The following FTO variants were observed in gnomAD, a reference collection of about 807,000 sequenced individuals.
The protein encoded by FTO is alpha-ketoglutarate-dependent dioxygenase FTO.
A neutral mutation model predicts 63.9 loss-of-function variants in FTO; 47 were observed. The ratio of observed to expected loss-of-function variants is 0.74; its 90% CI spans 0.58 to 0.94. The LOEUF (loss-of-function observed/expected upper bound fraction) is 0.94. FTO is among the 40% of genes least tolerant of loss of function. FTO has a pLI of 0.00. For synonymous variants in FTO, 207 were observed against 224.4 expected, an observed-to-expected ratio of 0.92 and a Z score of 0.69; for missense variants, 562 against 618.1, an observed-to-expected ratio of 0.91 and a Z score of 0.96.
intron 3 of FTO, among the ~76,000 whole-genome samples, chr16:53,835,196 C>A (rs2079255709): frequency 6.6e-6 from 1 of 152,200 alleles, no homozygotes; most frequent in African/African-American, 2.4e-5. Flanking sequence ...CTTCCAGAGT[C>A]TTCTTGTCTG....
At chr16:53,974,995 A>G (rs1268912818) in intron 8 of FTO, among the ~76,000 whole-genome samples, 1 of 152,026 alleles carries the variant, frequency 6.6e-6, no homozygotes, top group Non-Finnish European at 1.5e-5. Flanking sequence ...ACTCTCCTTG[A>G]GTTGTTTGTG....
At chr16:53,919,585 C>G (rs926809917) in intron 7 of FTO, among the ~76,000 whole-genome samples, 11 of 152,170 alleles carry the variant, frequency 7.2e-5, no homozygotes, top group South Asian at 4.1e-4. Flanking sequence ...AAATGCCCAT[C>G]AGCCAACAAG....
chr16:53,846,636 C>T (rs1438206566), intron 4 of FTO, among the ~76,000 whole-genome samples: 1 of 151,668 alleles, frequency 6.6e-6, no homozygotes. Flanking sequence ...CCCCCCGTCT[C>T]CACTAAAAAT....
chr16:53,805,040 A>G (rs568905555), intron 1 of FTO, among the ~76,000 whole-genome samples: 5 of 152,342 alleles, frequency 3.3e-5, no homozygotes, highest in Non-Finnish European at 7.3e-5. Context: ...CACAATGAAC[A>G]TTCATTAGCC....
intron 4 of FTO, among the ~76,000 whole-genome samples, chr16:53,857,440 G>GTC (rs147635985): frequency 0.2 from 28,900 of 141,882 alleles, 3,630 homozygotes; most frequent in East Asian, 0.63. Flanking sequence ...TGAGAACCTG[G>GTC]TCTCTCTCTC....
intron 8 of FTO, among the ~76,000 whole-genome samples, chr16:53,978,207 T>C (rs2143792291): frequency 6.6e-6 from 1 of 152,304 alleles, no homozygotes. Context: ...AACTTGTATA[T>C]AGCCTTCTTA....
chr16:53,973,050 C>A (rs1026565664), intron 8 of FTO, among the ~76,000 whole-genome samples: 2 of 152,254 alleles, frequency 1.3e-5, no homozygotes, highest in East Asian at 3.9e-4. Flanking sequence ...CAGCTCCATA[C>A]AAAAATGCAT....
At chr16:53,781,561 G>T (rs902519725) in intron 1 of FTO, among the ~76,000 whole-genome samples, 21 of 152,146 alleles carry the variant, frequency 1.4e-4, no homozygotes, top group Non-Finnish European at 2.2e-4. Flanking sequence ...GCCTGAGGAG[G>T]TTCCTATGCT....
chr16:54,012,999 T>G (rs2084363235), intron 8 of FTO, among the ~76,000 whole-genome samples: 1 of 152,222 alleles, frequency 6.6e-6, no homozygotes, highest in Non-Finnish European at 1.5e-5. Context: ...TGTTAAGCCC[T>G]ATTATTTAAG....
chr16:53,713,801 G>A (rs1043713748), intron 1 of FTO, among the ~76,000 whole-genome samples: 1 of 152,102 alleles, frequency 6.6e-6, no homozygotes, highest in Non-Finnish European at 1.5e-5. Context: ...GTAAACTGTA[G>A]GTACAATGTT....
intron 7 of FTO, among the ~76,000 whole-genome samples, chr16:53,927,530 G>A (rs974868684): frequency 3.9e-5 from 6 of 152,162 alleles, no homozygotes; most frequent in East Asian, 1.9e-4. Flanking sequence ...AGAGATGTCC[G>A]CAGTCTACAG....
intron 3 of FTO, among the ~76,000 whole-genome samples, chr16:53,831,052 T>C (rs2079129917): frequency 6.6e-6 from 1 of 152,312 alleles, no homozygotes; most frequent in Non-Finnish European, 1.5e-5. Flanking sequence ...ATGTCTTTGA[T>C]TTGGGAAAAA....
intron 8 of FTO, among the ~76,000 whole-genome samples, chr16:53,948,096 T>C (rs2143473772): frequency 6.6e-6 from 1 of 152,302 alleles, no homozygotes; most frequent in South Asian, 2.1e-4. Flanking sequence ...CCTTAGCTGG[T>C]GATTTCTCCT....
intron 1 of FTO, among the ~76,000 whole-genome samples, chr16:53,741,311 T>G (rs891997893): frequency 1.3e-5 from 2 of 152,246 alleles, no homozygotes; most frequent in African/African-American, 4.8e-5. Context: ...TTTGCGTGTG[T>G]GTGTTTACAT....
At chr16:53,979,172 T>A (rs572622140) in intron 8 of FTO, among the ~76,000 whole-genome samples, 1 of 152,334 alleles carries the variant, frequency 6.6e-6, no homozygotes, top group East Asian at 1.9e-4. Flanking sequence ...TTTTATCATA[T>A]CTCTTTAGGG....
In FTO at chr16:53,723,157, A is replaced by G. The variant is rs564199935; in HGVS notation, c.45+18928A>G. ...ATTATTTTTGTAGCTGTAAAGATAT[A>G]TATTTTATGTCTGCAGAAGGCTGTA... is the stretch of plus-strand genomic sequence containing the variant. On this transcript the variant is annotated intron_variant, in intron 1 of 8. Coordinates refer to ENST00000471389, the MANE Select transcript of FTO (RefSeq NM_001080432.3). Among the ~76,000 whole-genome samples, 5 of 152,320 alleles carry G rather than the reference A, an allele frequency of 3.3e-5. No individual in the cohort carries two copies. The East Asian group carries it at 9.7e-4, about 29-fold the overall frequency.
At chr16:53,996,972 G>T (rs1274491170) in intron 8 of FTO, among the ~76,000 whole-genome samples, 1 of 152,060 alleles carries the variant, frequency 6.6e-6, no homozygotes, top group Non-Finnish European at 1.5e-5. Flanking sequence ...ATTTAGCCTG[G>T]CGTGGTGGCG....
chr16:54,105,502 G>A (rs942197919), intron 8 of FTO, among the ~76,000 whole-genome samples: 1 of 152,108 alleles, frequency 6.6e-6, no homozygotes, highest in Non-Finnish European at 1.5e-5. Flanking sequence ...CTTGCACACC[G>A]TTCCATCAAA....
intron 8 of FTO, among the ~76,000 whole-genome samples, chr16:53,959,807 A>G (rs754375450): frequency 7.9e-4 from 121 of 152,240 alleles, no homozygotes; most frequent in Non-Finnish European, 6.8e-4. Context: ...ACACCCATCC[A>G]TAGAGCAGGT....
Sources: gnomAD v4.1 joint callset for allele counts (sites outside exome capture counted in the v4.1 genomes callset) on GRCh38, gnomAD v4.1.1 for gene constraint, MANE v1.5 for transcripts, NCBI Gene and HGNC (gene_info 2026-07-23, HGNC 2026-07-21) for gene names.